Variants in DSCAM observed in about 807,000 individuals in gnomAD.
The protein encoded by DSCAM is cell adhesion molecule DSCAM.
Under a neutral mutation model 217.7 loss-of-function variants are expected in DSCAM, and 47 were observed. That is an observed-to-expected ratio of 0.22 (90% confidence interval 0.17 to 0.28). The LOEUF (loss-of-function observed/expected upper bound fraction) is 0.28, where lower values mean the gene tolerates loss of function less well. Ranked by LOEUF, DSCAM falls within the 10% of genes least tolerant of loss-of-function variation. The pLI, the probability that DSCAM is intolerant of heterozygous loss-of-function variation, is 1.00. For missense variants in DSCAM, 2,080 were observed against 2,618.3 expected, an observed-to-expected ratio of 0.79 and a Z score of 4.49; for synonymous variants, 1,056 against 1,015.3, an observed-to-expected ratio of 1.04 and a Z score of -0.76.
intron 32 of DSCAM, among the ~76,000 whole-genome samples, chr21:40,042,103 C>T (rs1275710075): frequency 6.6e-6 from 1 of 152,178 alleles, no homozygotes; most frequent in African/African-American, 2.4e-5. Context: ...GGTCGGTGAG[C>T]CACTTTGGAA....
At position 40,142,576 on chromosome 21, in the gene DSCAM, C is replaced by T. The variant is rs752794279; in HGVS notation, c.3388G>A (p.Ala1130Thr). 1 of 1,613,908 alleles carries T rather than the reference C, an allele frequency of 6.2e-7. No individual in the cohort carries two copies. The highest frequency in any genetic ancestry group is 1.3e-5 in the African/African-American group (1 of 74,904). ...CTCTTACCTCCGTCCATGAGGTTGG[C>T]CCAGTAAATGACTCTGAACCCCTGG... is the stretch of plus-strand genomic sequence containing the variant. ...ILQGFRVIYWANLMDGELGEI... is the reference protein window; with the variant it reads ...ILQGFRVIYWTNLMDGELGEI... Residue 1130 changes from alanine to threonine, a missense_variant, in exon 18 of 33, where the codon GCC becomes ACC. Ala to Thr is a moderately conservative substitution (Grantham distance 58). This residue lies in a region of DSCAM where 1,144 missense variants were observed against 1,421.1 expected (regional missense o/e 0.81). Transcript: ENST00000400454.
At chr21:40,424,668 T>C (rs1395839679) in intron 3 of DSCAM, among the ~76,000 whole-genome samples, 2 of 152,176 alleles carry the variant, frequency 1.3e-5, no homozygotes, top group African/African-American at 4.8e-5. Context: ...AGATAAAAAA[T>C]CTATTTCCAG....
intron 30 of DSCAM, among the ~76,000 whole-genome samples, chr21:40,050,911 G>C (rs2088920562): frequency 6.6e-6 from 1 of 152,150 alleles, no homozygotes; most frequent in Admixed American, 6.5e-5. Context: ...AAAAGGAAGA[G>C]GTAAAAGACT....
intron 18 of DSCAM, among the ~76,000 whole-genome samples, chr21:40,140,898 G>A (rs2090281623): frequency 2.0e-5 from 3 of 150,326 alleles, no homozygotes; most frequent in African/African-American, 7.4e-5. Flanking sequence ...TCGAGTGGGT[G>A]TTTGGCAAAT....
intron 3 of DSCAM, among the ~76,000 whole-genome samples, chr21:40,529,515 C>T (rs1472844476): frequency 1.3e-5 from 2 of 152,064 alleles, no homozygotes; most frequent in Non-Finnish European, 2.9e-5. Context: ...TGGTATGGAG[C>T]AGATCAAAGG....
chr21:40,017,009 A>C (rs1377461594), intron 32 of DSCAM, among the ~76,000 whole-genome samples: 1 of 151,884 alleles, frequency 6.6e-6, no homozygotes, highest in Non-Finnish European at 1.5e-5. Flanking sequence ...CCAGCTACTC[A>C]GGAGGCTGAG....
intron 3 of DSCAM, among the ~76,000 whole-genome samples, chr21:40,381,943 T>C (rs574568186): frequency 1.3e-5 from 2 of 152,366 alleles, no homozygotes; most frequent in Non-Finnish European, 2.9e-5. Context: ...TGTGTGTTTG[T>C]ATATTTATGT....
intron 2 of DSCAM, among the ~76,000 whole-genome samples, chr21:40,706,217 GCA>G (rs1193724545): frequency 6.0e-5 from 9 of 150,454 alleles, no homozygotes; most frequent in Non-Finnish European, 1.2e-4. Flanking sequence ...AAGAAAGAAA[GCA>G]CAGTCTGCTA....
intron 1 of DSCAM, among the ~76,000 whole-genome samples, chr21:40,756,082 G>A (rs1401187063): frequency 6.6e-6 from 1 of 152,232 alleles, no homozygotes; most frequent in African/African-American, 2.4e-5. Context: ...AATGTTGAAG[G>A]TGGGGTCTGG....
intron 11 of DSCAM, among the ~76,000 whole-genome samples, chr21:40,269,314 A>G (rs575687463): frequency 1.3e-5 from 2 of 152,288 alleles, no homozygotes; most frequent in African/African-American, 2.4e-5. Context: ...AAACTCCTCA[A>G]AAGAATTGTT....
intron 3 of DSCAM, among the ~76,000 whole-genome samples, chr21:40,468,734 T>C (rs2075864726): frequency 1.3e-5 from 2 of 152,154 alleles, no homozygotes; most frequent in African/African-American, 4.8e-5. Flanking sequence ...GTATTTAAGA[T>C]GGAAGTGTAG....
At chr21:40,558,299 T>G (rs1984503) in intron 3 of DSCAM, among the ~76,000 whole-genome samples, 4 of 151,738 alleles carry the variant, frequency 2.6e-5, no homozygotes, top group Non-Finnish European at 5.9e-5. Flanking sequence ...TACAAAAAAA[T>G]TAGCTGGGCA....
intron 10 of DSCAM, among the ~76,000 whole-genome samples, chr21:40,287,276 G>C (rs1273552742): frequency 6.6e-6 from 1 of 152,260 alleles, no homozygotes; most frequent in Admixed American, 6.5e-5. Context: ...TGCTGAGGAA[G>C]GGACTGACTT....
At chr21:40,691,611 C>T (rs1305257203) in intron 3 of DSCAM, among the ~76,000 whole-genome samples, 2 of 152,152 alleles carry the variant, frequency 1.3e-5, no homozygotes, top group East Asian at 1.9e-4. Context: ...TTATTACAAT[C>T]GCATTTGAGT....
intron 3 of DSCAM, among the ~76,000 whole-genome samples, chr21:40,684,546 C>CA (rs2090453603): frequency 6.6e-6 from 1 of 152,208 alleles, no homozygotes; most frequent in African/African-American, 2.4e-5. Flanking sequence ...GCAAAGGACA[C>CA]AGCACCATAA....
chr21:40,446,810 T>C (rs2075678858), intron 3 of DSCAM, among the ~76,000 whole-genome samples: 1 of 152,198 alleles, frequency 6.6e-6, no homozygotes, highest in African/African-American at 2.4e-5. Context: ...AAGTCTTTTA[T>C]TGGAAATAGT....
intron 11 of DSCAM, among the ~76,000 whole-genome samples, chr21:40,196,084 T>C (rs1385406775): frequency 1.3e-5 from 2 of 152,250 alleles, no homozygotes; most frequent in African/African-American, 4.8e-5. Context: ...CTGCCTGGAT[T>C]CTGCAGCTCA....
At chr21:40,455,231 G>C (rs1161280658) in intron 3 of DSCAM, among the ~76,000 whole-genome samples, 1 of 152,152 alleles carries the variant, frequency 6.6e-6, no homozygotes, top group Non-Finnish European at 1.5e-5. Flanking sequence ...AGAAAAAGTA[G>C]TTATTGAGCC....
intron 8 of DSCAM, among the ~76,000 whole-genome samples, chr21:40,335,533 C>A (rs2074421506): frequency 6.6e-6 from 1 of 152,106 alleles, no homozygotes; most frequent in Non-Finnish European, 1.5e-5. Flanking sequence ...ATTCAAAGGG[C>A]TTTCGTTTAA....
Sources: allele counts gnomAD v4.1 joint callset (sites outside exome capture counted in the v4.1 genomes callset), GRCh38; gene constraint gnomAD v4.1.1; regional missense constraint gnomAD v4.1.1; transcripts MANE v1.5; gene names NCBI Gene and HGNC (gene_info 2026-07-23, HGNC 2026-07-21).